Variants in ABR observed in about 807,000 individuals in gnomAD.
ABR encodes the protein active breakpoint cluster region-related protein.
A neutral mutation model predicts 107.2 loss-of-function variants in ABR; 35 were observed. The observed-to-expected ratio is 0.33, with a 90% CI of 0.25 to 0.43. The LOEUF is 0.43. Ranked by LOEUF, ABR falls within the 20% of genes least tolerant of loss-of-function variation. The pLI is 1.00. For synonymous variants in ABR, 498 were observed against 462.0 expected (o/e 1.08, Z -1.00); for missense variants, 815 against 1,115.2 (o/e 0.73, Z 3.83).
At chr17:1,193,990 G>C (rs1464606802) in intron 1 of ABR, among the ~76,000 whole-genome samples, 3 of 152,050 alleles carry the variant, frequency 2.0e-5, no homozygotes, top group African/African-American at 7.2e-5. Flanking sequence ...CCCGCGCCTG[G>C]CCACTGCAGC....
At chr17:1,036,144 C>T (rs945054473) in intron 16 of ABR, among the ~76,000 whole-genome samples, 16 of 152,336 alleles carry the variant, frequency 1.1e-4, no homozygotes, top group African/African-American at 3.6e-4. Context: ...ACGCTCCTCT[C>T]CCCCAGCCCA....
chr17:1,178,491 G>C (rs1183024769), intron 1 of ABR, among the ~76,000 whole-genome samples: 1 of 151,808 alleles, frequency 6.6e-6, no homozygotes, highest in Non-Finnish European at 1.5e-5. Flanking sequence ...TTGAACCCGG[G>C]AGGCAGAGGT....
chr17:1,229,670 C>G (rs1380758732), exon 1 of ABR, among the ~76,000 whole-genome samples: 1 of 152,058 alleles, frequency 6.6e-6, no homozygotes, highest in Non-Finnish European at 1.5e-5. Flanking sequence ...CCCGCGGCCC[C>G]CGAAGAGACC....
Position 1,006,177 on chromosome 17 carries a change from G to A in ABR, c.2491-8C>T, listed in dbSNP as rs1302295025. ...GTAGAGGAGGACCTGGACCTGTGGGGAGACAGGAAGGCGGAGGCTGGGCTC... is the reference window on the plus strand; with the variant it reads ...GTAGAGGAGGACCTGGACCTGTGGGAAGACAGGAAGGCGGAGGCTGGGCTC... On this transcript the variant is annotated splice_region_variant and splice_polypyrimidine_tract_variant and intron_variant, in intron 22 of 22. Coordinates refer to ENST00000302538, the MANE Select transcript of ABR (RefSeq NM_021962.5). The A allele has an allele frequency of 1.9e-6, 3 of 1,567,844 alleles. No individual in the cohort carries two copies. Among genetic ancestry groups the A allele is most frequent in the Non-Finnish European group, 2.6e-6 (3 of 1,155,302 alleles).
intron 10 of ABR, among the ~76,000 whole-genome samples, chr17:1,059,623 C>T (rs1298140851): frequency 6.6e-6 from 1 of 152,186 alleles, no homozygotes; most frequent in East Asian, 1.9e-4. Context: ...GCTCAGCCTC[C>T]CCCTCTCACC....
rs374093108 is a variant in ABR at position 1,054,447 on chromosome 17, AGGATGGGGGCACAAGGAACCTCAGG to A, written c.1561+1563_1561+1587del. Among the ~76,000 whole-genome samples, 1,080 of 151,268 alleles carry A rather than the reference AGGATGGGGGCACAAGGAACCTCAGG, an allele frequency of 7.1e-3. 14 individuals carry two copies. Among genetic ancestry groups the A allele is most frequent in the African/African-American group, 0.024 (968 of 40,800 alleles). ...GTGCCATAACCAGCTTGCCCTGAGC[AGGATGGGGGCACAAGGAACCTCAGG>A]GGATGGGGGCACAAGGAACCTCAAA... On this transcript the variant is annotated intron_variant, in intron 14 of 22. Transcript: ENST00000302538.
intron 1 of ABR, among the ~76,000 whole-genome samples, chr17:1,168,760 G>T (rs1042374105): frequency 5.3e-5 from 8 of 152,200 alleles, no homozygotes; most frequent in African/African-American, 1.9e-4. Flanking sequence ...CTGCAGCAAG[G>T]TCCTCCGGCT....
intron 18 of ABR, chr17:1,012,438 T>C (rs939579926): frequency 8.7e-6 from 6 of 687,454 alleles, no homozygotes; most frequent in African/African-American, 7.0e-5. Flanking sequence ...TCCCGCTTGT[T>C]ACGAGGAGCA....
At chr17:1,035,621 C>T (rs112741746) in intron 16 of ABR, among the ~76,000 whole-genome samples, 3 of 5,482 alleles carry the variant, frequency 5.5e-4, no homozygotes, top group Admixed American at 4.1e-3. Context: ...CTGCTCCCCC[C>T]ACCCCTTCCA....
intron 1 of ABR, among the ~76,000 whole-genome samples, chr17:1,198,950 A>G (rs1236287492): frequency 6.9e-6 from 1 of 144,506 alleles, no homozygotes; most frequent in Non-Finnish European, 1.5e-5. Context: ...GCTACTTGGG[A>G]GGCTGAGGTA....
chr17:1,185,879 T>C (rs1229179621), intron 1 of ABR, among the ~76,000 whole-genome samples: 1 of 151,712 alleles, frequency 6.6e-6, no homozygotes, highest in Non-Finnish European at 1.5e-5. Context: ...TCTTATTGCC[T>C]GGCTGGAGTG....
At chr17:1,094,370 ATTT>A (rs541367607) in intron 3 of ABR, among the ~76,000 whole-genome samples, 4 of 139,900 alleles carry the variant, frequency 2.9e-5, no homozygotes, top group Admixed American at 7.2e-5. Context: ...CCAGACTGCA[ATTT>A]TTTTTTTTTT....
Position 1,011,610 on chromosome 17 carries a change from G to A in ABR, c.2101+236C>T, listed in dbSNP as rs1231243448. 2 of 394,136 alleles carry A rather than the reference G, an allele frequency of 5.1e-6. No individual in the cohort carries two copies. Among genetic ancestry groups the A allele is most frequent in the Non-Finnish European group, 8.9e-6 (2 of 225,060 alleles). 24.4% of individuals were successfully genotyped at this position (394,136 alleles called of 1,614,324 possible). ...AGTCCAGAACCAAAACCTACAAGTT[G>A]GGTCATCCTGGGCAAGTGAGTCGGC... On this transcript the variant is annotated intron_variant, in intron 19 of 22. Coordinates refer to ENST00000302538, the MANE Select transcript of ABR (RefSeq NM_021962.5). The surrounding 1 kb of genome is among the most constrained non-coding windows in gnomAD (Gnocchi z 4.8).
chr17:1,034,233 A>G (rs926832313), intron 16 of ABR, among the ~76,000 whole-genome samples: 1 of 152,052 alleles, frequency 6.6e-6, no homozygotes, highest in Non-Finnish European at 1.5e-5. Context: ...GTTTACAGGC[A>G]TGAACCACTG....
At position 1,204,895 on chromosome 17, in the gene ABR, CTTTTTCTTT is replaced by C. The variant is rs1216384438; in HGVS notation, c.838+23889_838+23897del. 6.7e-3 allele frequency among the ~76,000 whole-genome samples: 468 copies of C among 70,256 alleles called. 1 individual carries two copies. Among genetic ancestry groups the C allele is most frequent in the Middle Eastern group, 0.033 (3 of 92 alleles). 46.1% of individuals were successfully genotyped at this position (70,256 alleles called of 152,430 possible). A position where few individuals can be genotyped will look rare whatever the true frequency, so the allele number is the denominator to read the frequency against. On this transcript the variant is annotated intron_variant, in intron 1 of 22. Transcript: ENST00000574139. The stretch of plus-strand genomic sequence containing the variant: ...GAACCTCTTTTTTTCTTTTCTTTTT[CTTTTTCTTT>C]TTTTTTTTTTTTTTTTTGAGACTGA...
intron 1 of ABR, among the ~76,000 whole-genome samples, chr17:1,127,350 GAT>G (rs1389182118): frequency 1.3e-5 from 2 of 152,248 alleles, no homozygotes; most frequent in Non-Finnish European, 2.9e-5. Context: ...CTCCCACTGA[GAT>G]GTGTGTAGGC....
chr17:1,148,257 C>T lies in ABR; in HGVS notation c.62-22890G>A, dbSNP rs557733971. Among the ~76,000 whole-genome samples the T allele has an allele frequency of 2.4e-4, 36 of 152,204 alleles. No individual in the cohort carries two copies. The highest frequency in any genetic ancestry group is 4.0e-4 in the Non-Finnish European group (27 of 68,042). On this transcript the variant is annotated intron_variant, in intron 1 of 22. Transcript: ENST00000302538. The surrounding 1 kb of genome is among the most constrained non-coding windows in gnomAD (Gnocchi z 4.9). ...GCCTTTACATAAAACGGATATTATT[C>T]GGCTTATATTCCGACACAGGCCAAT... is the stretch of plus-strand genomic sequence containing the variant.
intron 16 of ABR, among the ~76,000 whole-genome samples, chr17:1,018,261 C>G (rs977756137): frequency 1.3e-5 from 2 of 151,532 alleles, no homozygotes; most frequent in South Asian, 2.1e-4. Flanking sequence ...CCAGGATGGT[C>G]TTGATCTCCT....
chr17:1,056,914 G>T, intron 13 of ABR, 84 bp downstream of exon 13: 3 of 891,736 alleles, frequency 3.4e-6, no homozygotes, highest in Non-Finnish European at 5.5e-6. Flanking sequence ...ACAGCCACAT[G>T]TCTGTCTGAG....
Sources: gnomAD v4.1 joint callset for allele counts (sites outside exome capture counted in the v4.1 genomes callset) on GRCh38, gnomAD v4.1.1 for gene constraint, Gnocchi (gnomAD v3.1) non-coding constraint, MANE v1.5 for transcripts, NCBI Gene and HGNC (gene_info 2026-07-23, HGNC 2026-07-21) for gene names.